Variants in CALB2 observed in about 807,000 individuals in gnomAD.
The protein encoded by CALB2 is calretinin.
CALB2 carries 34 observed loss-of-function variants against 45.9 expected under a neutral mutation model. The observed-to-expected ratio is 0.74, with a 90% CI of 0.56 to 0.99. The LOEUF is 0.99. CALB2 is among the 50% of genes least tolerant of loss of function. The pLI is 0.00. For missense variants in CALB2, 344 were observed against 339.3 expected (o/e 1.01, Z -0.11); for synonymous variants, 142 against 129.6 (o/e 1.10, Z -0.65).
chr16:71,384,197 T>G (rs1015526514), intron 7 of CALB2, 142 bp from the exon 8 acceptor site: 2 of 1,011,270 alleles, frequency 2.0e-6, no homozygotes, highest in Non-Finnish European at 3.1e-6. Flanking sequence ...TCTCCCTCGT[T>G]TTTGAACTTC....
intron 2 of CALB2, among the ~76,000 whole-genome samples, chr16:71,373,870 A>G (rs1357299536): frequency 2.0e-5 from 3 of 152,252 alleles, no homozygotes; most frequent in African/African-American, 7.2e-5. Context: ...ATATTGACAA[A>G]TTGATACTAA....
intron 1 of CALB2, among the ~76,000 whole-genome samples, chr16:71,361,600 A>C (rs1382866232): frequency 6.6e-6 from 1 of 152,114 alleles, no homozygotes; most frequent in African/African-American, 2.4e-5. Flanking sequence ...CACAGCCCCC[A>C]GAGAGTTGGA....
At chr16:71,389,355 A>G (rs994901477) in intron 10 of CALB2, among the ~76,000 whole-genome samples, 1 of 152,200 alleles carries the variant, frequency 6.6e-6, no homozygotes, top group Non-Finnish European at 1.5e-5. Context: ...GGTCGAGGAA[A>G]TATATACAAG....
chr16:71,387,845 A>G (rs2042587800), intron 10 of CALB2, among the ~76,000 whole-genome samples: 1 of 152,190 alleles, frequency 6.6e-6, no homozygotes. Context: ...AACTTAGGGA[A>G]GGTGCCTCTC....
At chr16:71,373,470 T>C (rs1226675911) in intron 2 of CALB2, among the ~76,000 whole-genome samples, 1 of 152,208 alleles carries the variant, frequency 6.6e-6, no homozygotes, top group Non-Finnish European at 1.5e-5. Flanking sequence ...TCTGGGATCA[T>C]GGGCTAGTCG....
intron 1 of CALB2, 63 bp downstream of exon 1, chr16:71,358,949 G>T: frequency 7.0e-7 from 1 of 1,434,596 alleles, no homozygotes; most frequent in Non-Finnish European, 9.7e-7. Context: ...GAAGGGGGCA[G>T]GGGGCGGCGC....
intron 1 of CALB2, among the ~76,000 whole-genome samples, chr16:71,366,274 C>A (rs1450166909): frequency 6.7e-6 from 1 of 149,746 alleles, no homozygotes; most frequent in Non-Finnish European, 1.5e-5. Context: ...ATCCACCCAC[C>A]TCAGCCTCCC....
rs2042622893 is a variant in CALB2, at chr16:71,390,253, C to G, written c.*388C>G. 1 of 174,404 alleles carries G rather than the reference C, an allele frequency of 5.7e-6. No homozygotes were observed. The highest frequency in any genetic ancestry group is 1.2e-5 in the Non-Finnish European group (1 of 81,380). 10.8% of individuals were successfully genotyped at this position (174,404 alleles called of 1,614,324 possible). On this transcript the variant is annotated 3_prime_UTR_variant, in exon 11 of 11. Coordinates refer to ENST00000302628, the MANE Select transcript of CALB2 (RefSeq NM_001740.5). Reference sequence around the variant, plus strand: ...CCATGCCACCACCCACCCCAAACTTCCAGGTTCCATCCACCACCTTGCCAA... The same window carrying G: ...CCATGCCACCACCCACCCCAAACTTGCAGGTTCCATCCACCACCTTGCCAA...
chr16:71,374,833 A>G lies in CALB2; in HGVS notation c.260A>G (p.Glu87Gly). 2.5e-6 allele frequency: 4 copies of G among 1,600,094 alleles called. No homozygotes were observed. Among genetic ancestry groups the G allele is most frequent in the African/African-American group, 2.7e-5 (2 of 74,754 alleles). Residue 87 changes from glutamate to glycine, a missense_variant and splice_region_variant, in exon 3 of 11, where the codon GAG becomes GGG. By Grantham distance (98) the Glu-to-Gly change is moderately conservative. This residue lies in a region of CALB2 where 263 missense variants were observed against 241.7 expected (regional missense o/e 1.09). Transcript: ENST00000302628. ...TCAGATGGGAAAATCGAGATGGCAGAGGTGAGCCCTGCCTCGCTGGTAAAG... is the reference window on the plus strand; with the variant it reads ...TCAGATGGGAAAATCGAGATGGCAGGGGTGAGCCCTGCCTCGCTGGTAAAG... ...KNSDGKIEMA[E>G]LAQILPTEEN...
intron 3 of CALB2, among the ~76,000 whole-genome samples, chr16:71,376,633 A>T (rs542160739): frequency 5.3e-5 from 8 of 152,074 alleles, no homozygotes; most frequent in Non-Finnish European, 1.2e-4. Context: ...ATGCACCCAC[A>T]TGCAACCACA....
intron 1 of CALB2, among the ~76,000 whole-genome samples, chr16:71,362,917 G>A (rs1364153909): frequency 6.6e-6 from 1 of 152,192 alleles, no homozygotes; most frequent in African/African-American, 2.4e-5. Flanking sequence ...CAGTGGCTCA[G>A]GCCTATAATC....
chr16:71,362,156 A>T (rs541764216), intron 1 of CALB2, among the ~76,000 whole-genome samples: 157 of 152,294 alleles, frequency 1.0e-3, no homozygotes, highest in Non-Finnish European at 1.7e-3. Context: ...ACACTTCTGT[A>T]TCAGGACCTT....
At position 71,377,671 on chromosome 16, in the gene CALB2, C is replaced by T. The variant is rs1375850883; in HGVS notation, c.266C>T (p.Ala89Val). ...TCGCTCTCTGTATCTTCACAGCTGG[C>T]GCAGATCCTGCCAACCGAAGAGAAC... ...SDGKIEMAEL[A>V]QILPTEENFL... is the part of the protein sequence containing the mutation. Residue 89 changes from alanine to valine, a missense_variant, in exon 4 of 11, where the codon GCG becomes GTG. Ala to Val is a moderately conservative substitution (Grantham distance 64, BLOSUM62 0). Around this residue, in one of 3 missense-constraint regions of CALB2, gnomAD observed 263 missense variants for 241.7 expected, o/e 1.09. Coordinates refer to ENST00000302628, the MANE Select transcript of CALB2 (RefSeq NM_001740.5). 4.3e-6 allele frequency: 7 copies of T among 1,612,658 alleles called. No individual in the cohort carries two copies. The highest frequency in any genetic ancestry group is 4.5e-5 in the East Asian group (2 of 44,848).
At chr16:71,366,858 G>T (rs746732) in intron 1 of CALB2, among the ~76,000 whole-genome samples, 55,899 of 151,984 alleles carry the variant, frequency 0.37, 10,785 homozygotes, top group Admixed American at 0.5. Context: ...AAATAGTTAT[G>T]CCCATTTTAG....
intron 1 of CALB2, among the ~76,000 whole-genome samples, chr16:71,359,651 G>A (rs1598156161): frequency 2.0e-5 from 3 of 152,202 alleles, no homozygotes; most frequent in South Asian, 4.2e-4. Context: ...AAAAAGCAAG[G>A]GCCAGACCAA....
In CALB2 at chr16:71,378,665, T is replaced by C. The variant is rs186285084; in HGVS notation, c.342+918T>C. On this transcript the variant is annotated intron_variant, in intron 4 of 10. Transcript: ENST00000302628. ...AAAATGTAGGGAATAAGATGAGAAGTAAGCTTGGGTCAAGTACGCTTGGGA... is the reference window on the plus strand; with the variant it reads ...AAAATGTAGGGAATAAGATGAGAAGCAAGCTTGGGTCAAGTACGCTTGGGA... 3.5e-4 allele frequency among the ~76,000 whole-genome samples: 54 copies of C among 152,374 alleles called. 1 individual carries two copies. The East Asian group carries it at 7.1e-3, about 20-fold the overall frequency.
In CALB2 at chr16:71,383,958, T is replaced by C; in HGVS notation, c.478-12T>C. ...ACAGCAAATAACCCAGGCACCTTTC[T>C]GTCCCCAACAGCTACGGATGTTTGA... is the stretch of plus-strand genomic sequence containing the variant. On this transcript the variant is annotated splice_polypyrimidine_tract_variant and intron_variant, in intron 6 of 10. Coordinates refer to ENST00000302628, the MANE Select transcript of CALB2 (RefSeq NM_001740.5). 2 of 1,613,882 alleles carry C rather than the reference T, an allele frequency of 1.2e-6. No homozygotes were observed. Among genetic ancestry groups the C allele is most frequent in the South Asian group, 1.1e-5 (1 of 91,080 alleles).
Position 71,389,784 on chromosome 16 carries a change from G to A in CALB2, c.735G>A (p.Lys245=), listed in dbSNP as rs764903344. 3 of 1,614,050 alleles carry A rather than the reference G, an allele frequency of 1.9e-6. No individual in the cohort carries two copies. The highest frequency in any genetic ancestry group is 2.5e-6 in the Non-Finnish European group (3 of 1,179,986). The part of the protein sequence containing the change: ...MNIQQLTNYR[K]SVMSLAEAGK... ...TTCAACAGCTCACCAACTACAGAAA[G>A]AGCGTCATGTCCTTGGCAGAGGCAG... is the stretch of plus-strand genomic sequence containing the variant. The change falls in exon 11 of 11, where the codon AAG becomes AAA. Residue 245 remains lysine (K), a synonymous_variant. Transcript: ENST00000302628.
intron 1 of CALB2, among the ~76,000 whole-genome samples, chr16:71,361,789 C>T (rs1026657762): frequency 6.6e-6 from 1 of 152,160 alleles, no homozygotes; most frequent in Non-Finnish European, 1.5e-5. Flanking sequence ...TTCTTATTAG[C>T]TTTGTGGTAG....
Sources: allele counts gnomAD v4.1 joint callset (sites outside exome capture counted in the v4.1 genomes callset), GRCh38; gene constraint gnomAD v4.1.1; regional missense constraint gnomAD v4.1.1; transcripts MANE v1.5; gene names NCBI Gene and HGNC (gene_info 2026-07-23, HGNC 2026-07-21).